Variants in EBF1 observed in about 807,000 individuals in gnomAD.
The protein encoded by EBF1 is transcription factor COE1.
A neutral mutation model predicts 68.4 loss-of-function variants in EBF1; 10 were observed. The ratio of observed to expected loss-of-function variants is 0.15; its 90% CI spans 0.09 to 0.25. The LOEUF is 0.25. EBF1 is among the 10% of genes least tolerant of loss of function. The pLI, the probability that EBF1 is intolerant of heterozygous loss-of-function variation, is 1.00. For synonymous variants in EBF1, 298 were observed against 299.8 expected (o/e 0.99, Z 0.06); for missense variants, 509 against 794.4 (o/e 0.64, Z 4.32).
At chr5:159,001,012 A>G (rs1249296330) in intron 6 of EBF1, among the ~76,000 whole-genome samples, 1 of 152,104 alleles carries the variant, frequency 6.6e-6, no homozygotes, top group Non-Finnish European at 1.5e-5. Flanking sequence ...CTTTTTTTCC[A>G]ACTATATATA....
At chr5:158,765,306 T>C (rs1454947887) in intron 10 of EBF1, among the ~76,000 whole-genome samples, 4 of 152,210 alleles carry the variant, frequency 2.6e-5, no homozygotes, top group Admixed American at 1.3e-4. Context: ...CTCCTTCATC[T>C]AAACCTCGCT....
chr5:158,830,527 C>A (rs1482285854), intron 7 of EBF1, among the ~76,000 whole-genome samples: 1 of 152,168 alleles, frequency 6.6e-6, no homozygotes, highest in Non-Finnish European at 1.5e-5. Flanking sequence ...TCTCGGCCTC[C>A]CAAAAGTGCT....
chr5:158,718,312 A>G (rs934130009), intron 11 of EBF1, among the ~76,000 whole-genome samples: 4 of 152,058 alleles, frequency 2.6e-5, no homozygotes, highest in African/African-American at 9.7e-5. Flanking sequence ...ATCTCTCCCT[A>G]TGTATTTGAA....
intron 6 of EBF1, among the ~76,000 whole-genome samples, chr5:159,018,637 C>A (rs913742951): frequency 6.6e-6 from 1 of 152,216 alleles, no homozygotes; most frequent in African/African-American, 2.4e-5. Flanking sequence ...ACAGCTAACA[C>A]TGGCTAAGCA....
chr5:158,993,422 T>C (rs1760777951), intron 6 of EBF1, among the ~76,000 whole-genome samples: 1 of 152,148 alleles, frequency 6.6e-6, no homozygotes, highest in South Asian at 2.1e-4. Flanking sequence ...GCACAACTAC[T>C]GAATCGATGG....
chr5:158,734,337 G>A (rs77345737), intron 10 of EBF1, among the ~76,000 whole-genome samples: 7,104 of 152,174 alleles, frequency 0.047, 241 homozygotes, highest in Middle Eastern at 0.072. Flanking sequence ...AATTTGACCT[G>A]CTTGTATAAA....
At chr5:159,019,886 C>A (rs1393108114) in intron 6 of EBF1, among the ~76,000 whole-genome samples, 1 of 152,088 alleles carries the variant, frequency 6.6e-6, no homozygotes, top group Admixed American at 6.5e-5. Flanking sequence ...ATCTTGCACC[C>A]TTTGCTGCCA....
intron 6 of EBF1, among the ~76,000 whole-genome samples, chr5:159,015,642 A>G (rs1430768007): frequency 6.6e-6 from 1 of 152,142 alleles, no homozygotes. Flanking sequence ...AGGAACACTG[A>G]GACTATTTAA....
chr5:158,832,884 T>C (rs933452752), intron 7 of EBF1, among the ~76,000 whole-genome samples: 2 of 152,184 alleles, frequency 1.3e-5, no homozygotes, highest in African/African-American at 4.8e-5. Flanking sequence ...TGGTGGGAAT[T>C]TGGGATGAAT....
chr5:158,701,994 T>C (rs1489867666), intron 15 of EBF1, among the ~76,000 whole-genome samples: 3 of 152,234 alleles, frequency 2.0e-5, no homozygotes, highest in Non-Finnish European at 4.4e-5. Flanking sequence ...ACAGCATTTC[T>C]GGAACATTCT....
chr5:159,088,155 A>T (rs1409015184), intron 4 of EBF1, among the ~76,000 whole-genome samples: 1 of 152,168 alleles, frequency 6.6e-6, no homozygotes, highest in African/African-American at 2.4e-5. Context: ...TTTGTTACTG[A>T]AAAGTATTGT....
intron 8 of EBF1, among the ~76,000 whole-genome samples, chr5:158,805,537 G>T (rs1781425596): frequency 6.6e-6 from 1 of 152,014 alleles, no homozygotes; most frequent in Non-Finnish European, 1.5e-5. Context: ...AGATAATTTA[G>T]CATTTCATTA....
At chr5:158,759,632 G>C (rs552352117) in intron 10 of EBF1, among the ~76,000 whole-genome samples, 10 of 152,226 alleles carry the variant, frequency 6.6e-5, no homozygotes, top group African/African-American at 2.4e-4. Flanking sequence ...CTATCCATTT[G>C]TATACTGTAC....
At position 158,796,429 on chromosome 5, in the gene EBF1, C is replaced by T. The variant is rs750053933; in HGVS notation, c.825G>A (p.Thr275=). The part of the protein sequence containing the change: ...KAISPSEGWT[T]GGATVIIIGD... ...CTATGATGATCACAGTCGCACCTCC[C>T]GTCGTCCATCCTTCACTCGGGCTGA... The change falls in exon 9 of 16, where the codon ACG becomes ACA. Residue 275 remains threonine, a synonymous_variant. Transcript: ENST00000313708. 4.7e-5 allele frequency: 76 copies of T among 1,613,454 alleles called. No individual in the cohort carries two copies. Among genetic ancestry groups the T allele is most frequent in the Non-Finnish European group, 5.7e-5 (67 of 1,179,672 alleles).
intron 6 of EBF1, among the ~76,000 whole-genome samples, chr5:158,849,525 A>T (rs1792193615): frequency 6.6e-6 from 1 of 152,176 alleles, no homozygotes; most frequent in Admixed American, 6.5e-5. Context: ...ACACTCTGTT[A>T]CAGCACTTGT....
intron 10 of EBF1, among the ~76,000 whole-genome samples, chr5:158,758,904 C>T (rs1179580981): frequency 6.6e-6 from 1 of 152,170 alleles, no homozygotes; most frequent in East Asian, 1.9e-4. Context: ...TTGTCACTCC[C>T]ATATTTATCA....
intron 6 of EBF1, among the ~76,000 whole-genome samples, chr5:158,999,484 AAGC>A (rs1583813364): frequency 6.6e-6 from 1 of 152,224 alleles, no homozygotes; most frequent in East Asian, 1.9e-4. Context: ...AGAGAACAGA[AAGC>A]TTTCCAAGCA....
intron 7 of EBF1, among the ~76,000 whole-genome samples, chr5:158,826,190 CT>C (rs1315865919): frequency 1.3e-5 from 2 of 152,174 alleles, no homozygotes; most frequent in African/African-American, 4.8e-5. Context: ...TCTTTCTCCC[CT>C]TTTCCACTCC....
At chr5:158,839,150 C>A (rs1207346073) in intron 7 of EBF1, among the ~76,000 whole-genome samples, 1 of 152,182 alleles carries the variant, frequency 6.6e-6, no homozygotes, top group Non-Finnish European at 1.5e-5. Context: ...TTTGTGAGTC[C>A]TCTTCCTTTA....
Sources: allele counts gnomAD v4.1 joint callset (sites outside exome capture counted in the v4.1 genomes callset), GRCh38; gene constraint gnomAD v4.1.1; transcripts MANE v1.5; gene names NCBI Gene and HGNC (gene_info 2026-07-23, HGNC 2026-07-21).